DIP2A: variants seen among roughly 807,000 people sequenced by gnomAD.
DIP2A encodes DIP2 acetate--CoA ligase A, also known as disco-interacting protein 2 homolog A.
Under a neutral mutation model 177.4 loss-of-function variants are expected in DIP2A, and 85 were observed. That is an observed-to-expected ratio of 0.48 (90% CI 0.40 to 0.57). The LOEUF (loss-of-function observed/expected upper bound fraction) is 0.57. Ranked by LOEUF, DIP2A falls within the 20% of genes least tolerant of loss-of-function variation. DIP2A has a pLI of 0.00. For synonymous variants in DIP2A, 886 were observed against 881.8 expected (o/e 1.00, Z -0.08); for missense variants, 1,791 against 2,100.2 (o/e 0.85, Z 2.88).
rs2060489813 is a variant in DIP2A, at chr21:46,556,924, T to A, written c.3499-15T>A. ...CATTTCACTTTTTTTTTTTGAACTT[T>A]ATTTTACTCTTAAGATGTCGCACGC... On this transcript the variant is annotated splice_polypyrimidine_tract_variant and intron_variant, in intron 29 of 37. Transcript: ENST00000417564. This position sits in a 1 kb window ranked among gnomAD's most constrained non-coding sequence, Gnocchi z 4.5. 6 of 1,527,050 alleles carry A rather than the reference T, an allele frequency of 3.9e-6. No individual in the cohort carries two copies. Among genetic ancestry groups the A allele is most frequent in the Admixed American group, 4.2e-5 (2 of 47,940 alleles). The allele number at this position is 1,527,050 out of a possible 1,614,324, so 94.6% of individuals were successfully genotyped here. A position where few individuals can be genotyped will look rare whatever the true frequency, so the allele number is the denominator to read the frequency against.
intron 28 of DIP2A, 124 bp downstream of exon 28, chr21:46,555,057 ACAGCAGG>A: frequency 9.8e-7 from 1 of 1,015,516 alleles, no homozygotes. Context: ...AGCCTGGCTG[ACAGCAGG>A]GGGTGCCCCG....
the DIP2A span, among the ~76,000 whole-genome samples, chr21:46,579,804 T>G: frequency 6.6e-6 from 1 of 152,230 alleles, no homozygotes; most frequent in African/African-American, 2.4e-5. Context: ...TTGATTCTGC[T>G]GTGGTCTGAA....
intron 36 of DIP2A, 28 bp from the exon 37 acceptor site, chr21:46,566,532 G>A (rs2060843158): frequency 3.7e-6 from 6 of 1,613,640 alleles, no homozygotes; most frequent in Non-Finnish European, 5.1e-6. Context: ...TGGCTTTCTG[G>A]GCACGTGTAA....
At chr21:46,546,843 C>T in intron 20 of DIP2A, 72 bp from the exon 21 acceptor site, 1 of 1,564,144 alleles carries the variant, frequency 6.4e-7, no homozygotes, top group African/African-American at 1.3e-5. Context: ...TCTTGGGGGG[C>T]CTGACCATGG....
chr21:46,550,862 G>A, intron 23 of DIP2A, 118 bp downstream of exon 23: 2 of 1,079,084 alleles, frequency 1.9e-6, no homozygotes, highest in Non-Finnish European at 2.7e-6. Context: ...TTTGGGGCTG[G>A]GGTCAAGAGC....
At chr21:46,528,568 T>TTTTTTTTTTTTTTTTTTA (rs1569043246) in intron 8 of DIP2A, among the ~76,000 whole-genome samples, 5 of 90,636 alleles carry the variant, frequency 5.5e-5, no homozygotes, top group Non-Finnish European at 9.3e-5. Context: ...TTTTTTTTTT[T>TTTTTTTTTTTTTTTTTTA]AGATAATGTC....
rs533295422 is a variant in DIP2A, at chr21:46,557,083, C to T, written c.3629+14C>T. On this transcript the variant is annotated intron_variant, in intron 30 of 37. Coordinates refer to ENST00000417564, the MANE Select transcript of DIP2A (RefSeq NM_015151.4). The surrounding 1 kb of genome is among the most constrained non-coding windows in gnomAD (Gnocchi z 6.0). ...GTGTCTGTGCAGGTGAGTGCAGGGC[C>T]CCTGCTGCCTGCCAGGTGGGAGCAG... 30 of 1,588,792 alleles carry T rather than the reference C, an allele frequency of 1.9e-5. No homozygotes were observed. In the African/African-American group the frequency reaches 3.5e-4, roughly 19 times the overall value.
rs1256534761 is a variant in DIP2A at position 46,568,738 on chromosome 21, TTTA to T, written c.*1122_*1124del. The T allele has an allele frequency of 6.6e-6, 1 of 152,204 alleles. No homozygotes were observed. The highest frequency in any genetic ancestry group is 6.5e-5 in the Admixed American group (1 of 15,282). 9.4% of individuals were successfully genotyped at this position (152,204 alleles called of 1,614,324 possible). A position where few individuals can be genotyped will look rare whatever the true frequency, so the allele number is the denominator to read the frequency against. ...AATTCTTCTCGTGGAAGTGTACTGA[TTTA>T]TTATTTTTATTCCAAGTCAGCAGAT... On this transcript the variant is annotated 3_prime_UTR_variant, in exon 38 of 38. Coordinates refer to ENST00000417564, the MANE Select transcript of DIP2A (RefSeq NM_015151.4).
At chr21:46,582,283 C>G in the DIP2A span, among the ~76,000 whole-genome samples, 1 of 152,140 alleles carries the variant, frequency 6.6e-6, no homozygotes, top group East Asian at 1.9e-4. Flanking sequence ...ACTACCCAGT[C>G]TTCCCCGCAC....
intron 5 of DIP2A, among the ~76,000 whole-genome samples, chr21:46,503,651 TTTTC>T (rs901541378): frequency 7.3e-5 from 7 of 96,036 alleles, no homozygotes; most frequent in East Asian, 2.7e-4. Context: ...CTTTCTTTCT[TTTTC>T]TTTCTTTCTT....
rs564132354 is a variant in DIP2A at position 46,511,482 on chromosome 21, C to T, written c.970C>T (p.Pro324Ser). The change falls in exon 8 of 38, where the codon CCT becomes TCT. Residue 324 changes from proline to serine, a missense_variant. Coordinates refer to ENST00000417564, the MANE Select transcript of DIP2A (RefSeq NM_015151.4). The stretch of plus-strand genomic sequence containing the variant: ...CGAGACGAGTGTGCTGAGAGGGGAG[C>T]CTCTCACTGCAGGTGTCCCCCGACC... Reference protein sequence around the residue: ...GSETSVLRGEPLTAGVPRPPS... With the variant: ...GSETSVLRGESLTAGVPRPPS... 13 of 1,613,140 alleles carry T rather than the reference C, an allele frequency of 8.1e-6. No individual in the cohort carries two copies. Among genetic ancestry groups the T allele is most frequent in the Non-Finnish European group, 1.1e-5 (13 of 1,179,620 alleles).
At chr21:46,472,226 G>C (rs1019283226) in intron 1 of DIP2A, among the ~76,000 whole-genome samples, 3 of 152,238 alleles carry the variant, frequency 2.0e-5, no homozygotes, top group African/African-American at 7.2e-5. Context: ...TGCAAGCCAA[G>C]GAGAGAGGCT....
At position 46,509,477 on chromosome 21, in the gene DIP2A, A is replaced by G; in HGVS notation, c.904+101A>G. ...GTATATTATACATGGATATTGCTAT[A>G]TATATTCTGTTTCCAGACTCAGTGG... is the stretch of plus-strand genomic sequence containing the variant. On this transcript the variant is annotated intron_variant, in intron 7 of 37. Transcript: ENST00000417564. The G allele has an allele frequency of 3.6e-6, 5 of 1,371,342 alleles. No individual in the cohort carries two copies. In the South Asian group the frequency reaches 6.9e-5, roughly 19 times the overall value. The allele number at this position is 1,371,342 out of a possible 1,614,324, so 84.9% of individuals were successfully genotyped here.
chr21:46,554,394 A>G, intron 26 of DIP2A, 102 bp downstream of exon 26: 2 of 1,560,178 alleles, frequency 1.3e-6, no homozygotes, highest in African/African-American at 1.4e-5. Context: ...TTCCAAAACT[A>G]AGCTCAGCCC....
In DIP2A at chr21:46,551,753, C is replaced by A; in HGVS notation, c.2949+10C>A. ...CGACCAGGCACGGAAGGTGACAGGC[C>A]AGTTCCGGGGACGGGTGGACGGGTG... On this transcript the variant is annotated intron_variant, in intron 24 of 37. Coordinates refer to ENST00000417564, the MANE Select transcript of DIP2A (RefSeq NM_015151.4). 1 of 1,613,932 alleles carries A rather than the reference C, an allele frequency of 6.2e-7. No individual in the cohort carries two copies. Among genetic ancestry groups the A allele is most frequent in the Non-Finnish European group, 8.5e-7 (1 of 1,179,864 alleles).
chr21:46,548,178 G>A (rs2060132595), intron 21 of DIP2A, among the ~76,000 whole-genome samples: 1 of 144,848 alleles, frequency 6.9e-6, no homozygotes, highest in African/African-American at 2.6e-5. Flanking sequence ...TCATGCATGT[G>A]TGCGTGTGTG....
chr21:46,535,625 T>C (rs551814496), intron 13 of DIP2A, among the ~76,000 whole-genome samples: 9 of 152,082 alleles, frequency 5.9e-5, no homozygotes, highest in Non-Finnish European at 1.0e-4. Flanking sequence ...AAAGCAAGGG[T>C]ATAAGTTGAG....
Position 46,546,998 on chromosome 21 carries a change from C to T in DIP2A, c.2478C>T (p.Ala826=). 1.2e-6 allele frequency: 2 copies of T among 1,613,978 alleles called. No individual in the cohort carries two copies. Among genetic ancestry groups the T allele is most frequent in the Non-Finnish European group, 8.5e-7 (1 of 1,179,870 alleles). Reference sequence around the variant, plus strand: ...GACACAATGCAGATGACGTTGTGGCCACCGCACTGGCCGTGGAGCCCATGA... The same window carrying T: ...GACACAATGCAGATGACGTTGTGGCTACCGCACTGGCCGTGGAGCCCATGA... ...VRRHNADDVV[A]TALAVEPMKF... The change falls in exon 21 of 38, where the codon GCC becomes GCT. Residue 826 remains alanine (A), a synonymous_variant. Transcript: ENST00000417564.
intron 6 of DIP2A, among the ~76,000 whole-genome samples, chr21:46,506,782 C>T (rs368404477): frequency 0.017 from 1,223 of 72,738 alleles, 15 homozygotes; most frequent in Middle Eastern, 0.029. Context: ...CTTTTCTTTT[C>T]TTTCTTTTCT....
Sources: gnomAD v4.1 joint callset for allele counts (sites outside exome capture counted in the v4.1 genomes callset) on GRCh38, gnomAD v4.1.1 for gene constraint, Gnocchi (gnomAD v3.1) non-coding constraint, MANE v1.5 for transcripts, NCBI Gene and HGNC (gene_info 2026-07-23, HGNC 2026-07-21) for gene names.